The following CYYR1 variants were observed in gnomAD, a reference collection of about 807,000 sequenced individuals.
The protein encoded by CYYR1 is cysteine and tyrosine rich 1, also known as cysteine and tyrosine-rich protein 1.
A neutral mutation model predicts 15.2 loss-of-function variants in CYYR1; 14 were observed. The observed-to-expected ratio is 0.92, with a 90% CI of 0.61 to 1.44. The LOEUF is 1.44. CYYR1 is among the 40% of genes most tolerant of loss of function. The pLI, the probability that CYYR1 is intolerant of heterozygous loss-of-function variation, is 0.00. For synonymous variants in CYYR1, 80 were observed against 77.4 expected (o/e 1.03, Z -0.18); for missense variants, 228 against 209.5 (o/e 1.09, Z -0.54).
chr21:26,558,984 T>C (rs1236972298), intron 2 of CYYR1, among the ~76,000 whole-genome samples: 1 of 152,176 alleles, frequency 6.6e-6, no homozygotes, highest in Non-Finnish European at 1.5e-5. Flanking sequence ...GGAATATATC[T>C]TGAAGAGGTG....
chr21:26,470,867 G>T (rs1472101514), intron 3 of CYYR1: 2 of 152,544 alleles, frequency 1.3e-5, no homozygotes, highest in African/African-American at 4.8e-5. Context: ...AGGAGCCACA[G>T]AACTGAGTGG....
chr21:26,477,060 C>T (rs1159667789), intron 3 of CYYR1, among the ~76,000 whole-genome samples: 1 of 152,090 alleles, frequency 6.6e-6, no homozygotes, highest in Non-Finnish European at 1.5e-5. Context: ...GTTTTCACCT[C>T]GTGTAGAGTA....
At chr21:26,521,362 C>T (rs1007945498) in intron 2 of CYYR1, among the ~76,000 whole-genome samples, 3 of 152,150 alleles carry the variant, frequency 2.0e-5, no homozygotes, top group African/African-American at 4.8e-5. Flanking sequence ...TACATGTATA[C>T]GAAAGACATC....
intron 1 of CYYR1, among the ~76,000 whole-genome samples, chr21:26,567,248 G>C (rs922035882): frequency 3.3e-5 from 5 of 152,120 alleles, no homozygotes; most frequent in Admixed American, 2.0e-4. Context: ...AATTCATCTG[G>C]ATGAAAAGAT....
chr21:26,525,539 C>T (rs959553745), intron 2 of CYYR1, among the ~76,000 whole-genome samples: 13 of 152,178 alleles, frequency 8.5e-5, no homozygotes, highest in African/African-American at 3.1e-4. Flanking sequence ...GATTTCTATT[C>T]CTATTTTTGG....
chr21:26,485,290 C>G (rs1471330913), intron 2 of CYYR1, among the ~76,000 whole-genome samples: 2 of 151,990 alleles, frequency 1.3e-5, no homozygotes, highest in African/African-American at 4.8e-5. Context: ...ATGGTTACAT[C>G]TTAAGTAACA....
In CYYR1 at chr21:26,467,107, C is replaced by T. The variant is rs1298884730; in HGVS notation, c.*1394G>A. ...TTCTTGGCACTGTTTTGGGATTTCACTGAATTTTGATGATGATATTGGATT... is the reference window on the plus strand; with the variant it reads ...TTCTTGGCACTGTTTTGGGATTTCATTGAATTTTGATGATGATATTGGATT... On this transcript the variant is annotated 3_prime_UTR_variant, in exon 4 of 4. Coordinates refer to ENST00000652641, the MANE Select transcript of CYYR1 (RefSeq NM_001320768.2). The T allele has an allele frequency of 6.6e-6, 1 of 152,110 alleles. No individual in the cohort carries two copies. Among genetic ancestry groups the T allele is most frequent in the Non-Finnish European group, 1.5e-5 (1 of 68,014 alleles). The allele number at this position is 152,110 out of a possible 1,614,324, so 9.4% of individuals were successfully genotyped here.
intron 2 of CYYR1, among the ~76,000 whole-genome samples, chr21:26,553,096 A>G (rs1659766932): frequency 6.6e-6 from 1 of 151,886 alleles, no homozygotes; most frequent in African/African-American, 2.4e-5. Flanking sequence ...TTTTCTCTCT[A>G]TTCTTGGAGA....
At chr21:26,471,658 T>C (rs1208692664) in intron 3 of CYYR1, 1 of 152,256 alleles carries the variant, frequency 6.6e-6, no homozygotes, top group East Asian at 1.9e-4. Flanking sequence ...GGCTGTATTA[T>C]CTTTCTTTCT....
chr21:26,486,558 T>G (rs2123424166), intron 2 of CYYR1, among the ~76,000 whole-genome samples: 1 of 152,244 alleles, frequency 6.6e-6, no homozygotes, highest in South Asian at 2.1e-4. Context: ...GCATTGCTTT[T>G]GCACCTTTGT....
At position 26,495,600 on chromosome 21, in the gene CYYR1, G is replaced by A. The variant is rs190893953; in HGVS notation, c.177-15171C>T. ...CCTTGTGCTCCTGGAGCAGATCTGC[G>A]TGACTGGGAGCAAAGGATCCTGGGA... On this transcript the variant is annotated intron_variant, in intron 2 of 3. Transcript: ENST00000652641. Among the ~76,000 whole-genome samples, 309 of 152,248 alleles carry A rather than the reference G, an allele frequency of 2.0e-3. 6 individuals carry two copies. The highest frequency in any genetic ancestry group is 1.3e-4 in the Non-Finnish European group (9 of 68,022).
chr21:26,491,006 C>T (rs1410151704), intron 2 of CYYR1, among the ~76,000 whole-genome samples: 1 of 152,134 alleles, frequency 6.6e-6, no homozygotes, highest in Non-Finnish European at 1.5e-5. Flanking sequence ...GAGTGAAAGG[C>T]AAGAGTGTAG....
chr21:26,541,109 A>C (rs980511472), intron 2 of CYYR1, among the ~76,000 whole-genome samples: 1 of 152,218 alleles, frequency 6.6e-6, no homozygotes, highest in African/African-American at 2.4e-5. Flanking sequence ...GAGAGAAAAA[A>C]TATTTAAAAA....
chr21:26,570,769 A>G (rs1601844735), intron 1 of CYYR1, among the ~76,000 whole-genome samples: 1 of 152,092 alleles, frequency 6.6e-6, no homozygotes, highest in East Asian at 1.9e-4. Context: ...TCTAACCTCA[A>G]CCCTTACTTC....
At chr21:26,509,203 C>G (rs1392488139) in intron 2 of CYYR1, among the ~76,000 whole-genome samples, 1 of 152,174 alleles carries the variant, frequency 6.6e-6, no homozygotes, top group Non-Finnish European at 1.5e-5. Context: ...CTCTCAGTCA[C>G]TGTATTCAGC....
chr21:26,495,024 GGAAAGA>G (rs1233608820), intron 2 of CYYR1, among the ~76,000 whole-genome samples: 2 of 152,182 alleles, frequency 1.3e-5, no homozygotes, highest in Non-Finnish European at 2.9e-5. Flanking sequence ...ACAGGCAAAA[GGAAAGA>G]GGAACAACCT....
chr21:26,526,444 G>A (rs1463582608), intron 2 of CYYR1, among the ~76,000 whole-genome samples: 1 of 151,474 alleles, frequency 6.6e-6, no homozygotes, highest in Admixed American at 6.6e-5. Context: ...CAAAATTCTG[G>A]CCCCACCCCC....
chr21:26,513,566 A>T (rs191298990), intron 2 of CYYR1, among the ~76,000 whole-genome samples: 92 of 152,258 alleles, frequency 6.0e-4, no homozygotes, highest in Admixed American at 1.8e-3. Context: ...GACCCAATCC[A>T]GAAGTAGGCA....
intron 1 of CYYR1, among the ~76,000 whole-genome samples, chr21:26,569,700 G>A (rs1055177640): frequency 2.0e-5 from 3 of 152,194 alleles, no homozygotes; most frequent in East Asian, 1.9e-4. Flanking sequence ...TGTAAGTAAC[G>A]TCATGGGTGC....
Sources: gnomAD v4.1 joint callset for allele counts (sites outside exome capture counted in the v4.1 genomes callset) on GRCh38, gnomAD v4.1.1 for gene constraint, MANE v1.5 for transcripts, NCBI Gene and HGNC (gene_info 2026-07-23, HGNC 2026-07-21) for gene names.